The following TBX15 variants were observed in gnomAD, a reference collection of about 807,000 sequenced individuals.
TBX15 encodes the protein T-box transcription factor TBX15.
TBX15 carries 18 observed loss-of-function variants against 53.9 expected under a neutral mutation model. The ratio of observed to expected loss-of-function variants is 0.33; its 90% CI spans 0.23 to 0.49. The LOEUF is 0.49. Ranked by LOEUF, TBX15 falls within the 20% of genes least tolerant of loss-of-function variation. TBX15 has a pLI of 0.98. For synonymous variants in TBX15, 295 were observed against 278.0 expected, an observed-to-expected ratio of 1.06 and a Z score of -0.61; for missense variants, 692 against 749.5, an observed-to-expected ratio of 0.92 and a Z score of 0.90.
chr1:118,913,958 G>A (rs976067602), intron 6 of TBX15, among the ~76,000 whole-genome samples, 157 bp downstream of exon 6: 4 of 152,174 alleles, frequency 2.6e-5, no homozygotes, highest in African/African-American at 9.6e-5. Flanking sequence ...CAAAGAATTT[G>A]ATTCTTACGT....
At chr1:118,953,414 GT>G (rs1656583249) in intron 1 of TBX15, among the ~76,000 whole-genome samples, 1 of 152,152 alleles carries the variant, frequency 6.6e-6, no homozygotes, top group African/African-American at 2.4e-5. Context: ...GGTCTCCACT[GT>G]TTCACTCATT....
At chr1:118,979,337 G>A (rs147172362) in intron 1 of TBX15, among the ~76,000 whole-genome samples, 1 of 151,738 alleles carries the variant, frequency 6.6e-6, no homozygotes, top group East Asian at 1.9e-4. Context: ...CTGCCTCTTA[G>A]GCACCCAGGG....
At chr1:118,925,634 G>C (rs1216459621) in intron 3 of TBX15, among the ~76,000 whole-genome samples, 1 of 152,130 alleles carries the variant, frequency 6.6e-6, no homozygotes, top group Admixed American at 6.6e-5. Context: ...CATGGGACCT[G>C]GACCCTGAGA....
upstream of TBX15, among the ~76,000 whole-genome samples, chr1:118,988,885 G>A (rs1415418854): frequency 6.6e-6 from 1 of 152,196 alleles, no homozygotes; most frequent in Non-Finnish European, 1.5e-5. Context: ...CAAACAGAAA[G>A]CCCTGTTACT....
intron 1 of TBX15, among the ~76,000 whole-genome samples, chr1:118,963,612 G>T (rs879793816): frequency 1.3e-5 from 2 of 152,204 alleles, no homozygotes; most frequent in Non-Finnish European, 2.9e-5. Context: ...TGAGATGGTG[G>T]AACTATAAAA....
At chr1:118,968,451 C>T (rs1238815415) in intron 1 of TBX15, among the ~76,000 whole-genome samples, 2 of 152,206 alleles carry the variant, frequency 1.3e-5, no homozygotes, top group Non-Finnish European at 2.9e-5. Flanking sequence ...AAGTGATCTG[C>T]CCACCTCGGC....
rs140865899 is a variant in TBX15 at position 118,938,856 on chromosome 1, A to T, written c.206-7024T>A. Among the ~76,000 whole-genome samples the T allele has an allele frequency of 4.8e-3, 728 of 152,168 alleles. 4 individuals carry two copies. Among genetic ancestry groups the T allele is most frequent in the Non-Finnish European group, 7.1e-3 (485 of 67,968 alleles). On this transcript the variant is annotated intron_variant, in intron 1 of 7. Transcript: ENST00000369429. ...TTTTTAATGGGGTTGCTTTTTGCTT[A>T]TTGATTTGTTTACATTCCCTATAGA...
chr1:118,899,909 T>C (rs1654565715), intron 6 of TBX15, among the ~76,000 whole-genome samples: 1 of 152,182 alleles, frequency 6.6e-6, no homozygotes, highest in Non-Finnish European at 1.5e-5. Flanking sequence ...GGAAATTCCA[T>C]AAATTGGACT....
At chr1:118,915,266 AT>A (rs1057179355) in intron 5 of TBX15, among the ~76,000 whole-genome samples, 2 of 152,200 alleles carry the variant, frequency 1.3e-5, no homozygotes, top group African/African-American at 4.8e-5. Flanking sequence ...CCATCTTCAT[AT>A]TTTTGATAAT....
chr1:118,967,219 C>T (rs930109407), intron 1 of TBX15, among the ~76,000 whole-genome samples: 3 of 152,084 alleles, frequency 2.0e-5, no homozygotes, highest in Non-Finnish European at 2.9e-5. Context: ...GGGTTGACCT[C>T]GAGACACCTA....
intron 7 of TBX15, among the ~76,000 whole-genome samples, chr1:118,890,275 G>A (rs549740937): frequency 2.0e-4 from 30 of 152,230 alleles, no homozygotes; most frequent in South Asian, 1.7e-3. Flanking sequence ...ATGGCTGCCC[G>A]TGTCTCCATC....
At chr1:118,943,694 G>GAGC in intron 1 of TBX15, among the ~76,000 whole-genome samples, 1 of 152,290 alleles carries the variant, frequency 6.6e-6, no homozygotes, top group African/African-American at 2.4e-5. Flanking sequence ...TGACAGGGCA[G>GAGC]AGCTTGGAAG....
chr1:118,987,443 T>C, intron 1 of TBX15, 148 bp downstream of exon 1: 1 of 1,038,144 alleles, frequency 9.6e-7, no homozygotes, highest in African/African-American at 1.6e-5. Flanking sequence ...TTAGGGAGGC[T>C]CAGGGCATTT....
In TBX15 at chr1:118,972,899, C is replaced by A. The variant is rs536560830; in HGVS notation, c.205+14692G>T. ...ACAGGCCTGAGCCACCATGCCCGGC[C>A]AAATGGTTTCTCATAAAAACACTAA... On this transcript the variant is annotated intron_variant, in intron 1 of 7. Transcript: ENST00000369429. Among the ~76,000 whole-genome samples the A allele has an allele frequency of 2.0e-5, 3 of 152,234 alleles. No individual in the cohort carries two copies. In the East Asian group the frequency reaches 5.8e-4, roughly 29 times the overall value.
chr1:118,886,334 A>G (rs2101430518), intron 7 of TBX15, among the ~76,000 whole-genome samples: 1 of 152,230 alleles, frequency 6.6e-6, no homozygotes, highest in Middle Eastern at 3.4e-3. Context: ...CCTTAAAGTG[A>G]CCTGAGAGTC....
intron 3 of TBX15, among the ~76,000 whole-genome samples, chr1:118,925,434 T>C (rs1655562235): frequency 6.6e-6 from 1 of 152,202 alleles, no homozygotes; most frequent in Non-Finnish European, 1.5e-5. Context: ...ATACTCCCAG[T>C]TCACATTGCC....
chr1:118,989,184 C>T (rs146739661), upstream of TBX15, among the ~76,000 whole-genome samples: 1 of 152,222 alleles, frequency 6.6e-6, no homozygotes, highest in Non-Finnish European at 1.5e-5. Context: ...AGAGAAGGAG[C>T]TTTTTCAAAA....
chr1:118,976,875 G>T (rs928502243), intron 1 of TBX15, among the ~76,000 whole-genome samples: 11 of 152,128 alleles, frequency 7.2e-5, no homozygotes, highest in African/African-American at 2.4e-4. Flanking sequence ...TGGGGGAGAG[G>T]GGCAATGGCT....
rs202079589 is a variant in TBX15 at position 118,889,815 on chromosome 1, T to A, written c.1025-4299A>T. 2.1e-4 allele frequency among the ~76,000 whole-genome samples: 25 copies of A among 118,780 alleles called. 1 individual carries two copies. The highest frequency in any genetic ancestry group is 3.7e-3 in the Middle Eastern group (1 of 270). 77.9% of individuals were successfully genotyped at this position (118,780 alleles called of 152,430 possible). A position where few individuals can be genotyped will look rare whatever the true frequency, so the allele number is the denominator to read the frequency against. The stretch of plus-strand genomic sequence containing the variant: ...TAGGCATTAATTTAAAAAAAAAAAA[T>A]TTAGTAGAGATAGGGTCTCACTATG... On this transcript the variant is annotated intron_variant, in intron 7 of 7. Transcript: ENST00000369429.
Sources: gnomAD v4.1 joint callset for allele counts (sites outside exome capture counted in the v4.1 genomes callset) on GRCh38, gnomAD v4.1.1 for gene constraint, MANE v1.5 for transcripts, NCBI Gene and HGNC (gene_info 2026-07-23, HGNC 2026-07-21) for gene names.